Variants in RNF220 observed in about 807,000 individuals in gnomAD.
The protein encoded by RNF220 is E3 ubiquitin-protein ligase RNF220.
A neutral mutation model predicts 67.1 loss-of-function variants in RNF220; 7 were observed. That is an observed-to-expected ratio of 0.10 (90% CI 0.06 to 0.20). The LOEUF (loss-of-function observed/expected upper bound fraction) is 0.20, where lower values mean the gene tolerates loss of function less well. RNF220 is among the 10% of genes least tolerant of loss of function. RNF220 has a pLI of 1.00. For synonymous variants in RNF220, 270 were observed against 283.2 expected, an observed-to-expected ratio of 0.95 and a Z score of 0.47; for missense variants, 565 against 740.3, an observed-to-expected ratio of 0.76 and a Z score of 2.75.
At chr1:44,580,721 TG>T in intron 2 of RNF220, among the ~76,000 whole-genome samples, 1 of 152,332 alleles carries the variant, frequency 6.6e-6, no homozygotes, top group Non-Finnish European at 1.5e-5. Context: ...GAGAACAGTC[TG>T]GGGTTCTGGG....
chr1:44,572,757 T>C (rs1664533364), intron 2 of RNF220, among the ~76,000 whole-genome samples: 2 of 152,280 alleles, frequency 1.3e-5, no homozygotes, highest in African/African-American at 2.4e-5. Context: ...CATCAGCTGC[T>C]GCCGCTAAGG....
rs191319160 is a variant in RNF220, at chr1:44,586,699, G to A, written c.626-27466G>A. 6.6e-5 allele frequency among the ~76,000 whole-genome samples: 10 copies of A among 152,338 alleles called. No homozygotes were observed. In the East Asian group the frequency reaches 7.7e-4, roughly 12 times the overall value. ...CTTTTAGGAGACAGTTACACACAAC[G>A]TAGAAGACAGAGGAGAAAGGACCGC... On this transcript the variant is annotated intron_variant, in intron 2 of 14. Coordinates refer to ENST00000361799, the MANE Select transcript of RNF220 (RefSeq NM_018150.4).
chr1:44,588,805 G>A (rs1665898629), intron 2 of RNF220, among the ~76,000 whole-genome samples: 1 of 152,156 alleles, frequency 6.6e-6, no homozygotes, highest in South Asian at 2.1e-4. Context: ...AACCCTACCT[G>A]GGGTTCAGGT....
chr1:44,444,945 T>C (rs952589978), intron 2 of RNF220, among the ~76,000 whole-genome samples: 1 of 152,264 alleles, frequency 6.6e-6, no homozygotes, highest in Admixed American at 6.5e-5. Flanking sequence ...AATGTCAAAC[T>C]GTATTCCCAA....
chr1:44,587,820 A>G (rs1335548866), intron 2 of RNF220, among the ~76,000 whole-genome samples: 4 of 152,316 alleles, frequency 2.6e-5, no homozygotes, highest in Non-Finnish European at 4.4e-5. Context: ...CTTGTAAAGC[A>G]CCTTAGACAC....
In RNF220 at chr1:44,626,296, G is replaced by T; in HGVS notation, c.805-1G>T. ...GCCACATGTCTTTTTTCTTCTTCCA[G>T]TCCCTCCTGTTGTCTGCTTCCATCA... On this transcript the variant is annotated splice_acceptor_variant, in intron 4 of 14. Transcript: ENST00000361799. LOFTEE classifies it high-confidence loss of function. 2 of 1,613,180 alleles carry T rather than the reference G, an allele frequency of 1.2e-6. No individual in the cohort carries two copies. Among genetic ancestry groups the T allele is most frequent in the Non-Finnish European group, 1.7e-6 (2 of 1,179,196 alleles).
At chr1:44,589,640 A>G (rs1665976319) in intron 2 of RNF220, among the ~76,000 whole-genome samples, 1 of 148,066 alleles carries the variant, frequency 6.8e-6, no homozygotes, top group South Asian at 2.1e-4. Flanking sequence ...AGGAATATCC[A>G]CCTCCTAAAG....
At chr1:44,512,932 G>A (rs544256980) in intron 2 of RNF220, among the ~76,000 whole-genome samples, 10 of 152,240 alleles carry the variant, frequency 6.6e-5, no homozygotes, top group South Asian at 6.2e-4. Flanking sequence ...GGAACATCCC[G>A]GCTGAGCCAA....
intron 2 of RNF220, among the ~76,000 whole-genome samples, chr1:44,520,533 T>A (rs1659852863): frequency 6.6e-6 from 1 of 152,234 alleles, no homozygotes; most frequent in Non-Finnish European, 1.5e-5. Context: ...CCCTGCCATC[T>A]GCCTCTCCTG....
At chr1:44,583,774 G>A (rs148535880) in intron 2 of RNF220, among the ~76,000 whole-genome samples, 2 of 152,282 alleles carry the variant, frequency 1.3e-5, no homozygotes, top group Non-Finnish European at 2.9e-5. Flanking sequence ...TTTTTAATGT[G>A]TTTTAAGGTA....
intron 2 of RNF220, among the ~76,000 whole-genome samples, chr1:44,560,209 G>T (rs1663456105): frequency 6.6e-6 from 1 of 152,214 alleles, no homozygotes; most frequent in Non-Finnish European, 1.5e-5. Flanking sequence ...CCCACGGAAG[G>T]CTTCTTATTG....
chr1:44,460,753 C>G (rs1653685323), intron 2 of RNF220, among the ~76,000 whole-genome samples: 1 of 152,232 alleles, frequency 6.6e-6, no homozygotes, highest in African/African-American at 2.4e-5. Context: ...CGTGCTGGTA[C>G]AGCCTCACAT....
intron 2 of RNF220, among the ~76,000 whole-genome samples, chr1:44,516,454 A>C (rs758695953): frequency 1.4e-4 from 21 of 152,266 alleles, no homozygotes; most frequent in Non-Finnish European, 2.5e-4. Context: ...AGCAAAGGAC[A>C]TGGCATGATA....
intron 2 of RNF220, among the ~76,000 whole-genome samples, chr1:44,531,164 T>G (rs1306854404): frequency 3.9e-5 from 6 of 152,176 alleles, no homozygotes; most frequent in Non-Finnish European, 8.8e-5. Flanking sequence ...GGGCTGCTCT[T>G]TGTAGATTCC....
At chr1:44,559,228 C>T (rs988173866) in intron 2 of RNF220, among the ~76,000 whole-genome samples, 2 of 152,228 alleles carry the variant, frequency 1.3e-5, no homozygotes, top group African/African-American at 4.8e-5. Flanking sequence ...AGCCCCAGTC[C>T]TCAGCCTTCC....
chr1:44,616,944 C>T (rs1378874062), intron 3 of RNF220, among the ~76,000 whole-genome samples: 1 of 152,174 alleles, frequency 6.6e-6, no homozygotes, highest in Non-Finnish European at 1.5e-5. Context: ...CACACCCCCA[C>T]CCATGACTCT....
At chr1:44,553,377 AATG>A (rs1662824286) in intron 2 of RNF220, among the ~76,000 whole-genome samples, 2 of 8,738 alleles carry the variant, frequency 2.3e-4, no homozygotes, top group African/African-American at 3.1e-4. Flanking sequence ...TATAAGAATG[AATG>A]AATGAATGAA....
At chr1:44,471,348 C>T (rs182691470) in intron 2 of RNF220, among the ~76,000 whole-genome samples, 1,831 of 152,176 alleles carry the variant, frequency 0.012, 19 homozygotes, top group Non-Finnish European at 0.018. Context: ...ATCGCTTGAA[C>T]CTGGGAGGCA....
chr1:44,412,988 C>T lies in RNF220; in HGVS notation c.625+266C>T, dbSNP rs1648131547. 6.6e-6 allele frequency among the ~76,000 whole-genome samples: 1 copy of T among 152,124 alleles called. No individual in the cohort carries two copies. The highest frequency in any genetic ancestry group is 2.1e-4 in the South Asian group (1 of 4,812). ...CCCTAGTGGGCTTATTCTCTGAGGA[C>T]TTGAGTGAAGAGGGGTGCCACCGAC... On this transcript the variant is annotated intron_variant, in intron 2 of 14. Coordinates refer to ENST00000361799, the MANE Select transcript of RNF220 (RefSeq NM_018150.4). The surrounding 1 kb of genome is among the most constrained non-coding windows in gnomAD (Gnocchi z 5.3).
Sources: gnomAD v4.1 joint callset for allele counts (sites outside exome capture counted in the v4.1 genomes callset) on GRCh38, gnomAD v4.1.1 for gene constraint, Gnocchi (gnomAD v3.1) non-coding constraint, MANE v1.5 for transcripts, NCBI Gene and HGNC (gene_info 2026-07-23, HGNC 2026-07-21) for gene names.